Variants in ADPRS observed in about 807,000 individuals in gnomAD.
ADPRS encodes the protein ADP-ribosylserine hydrolase.
A neutral mutation model predicts 32.1 loss-of-function variants in ADPRS; 25 were observed. The observed-to-expected ratio is 0.78, with a 90% confidence interval of 0.57 to 1.09. The LOEUF (loss-of-function observed/expected upper bound fraction) is 1.09. Ranked by LOEUF, ADPRS falls within the 50% of genes least tolerant of loss-of-function variation. ADPRS has a pLI of 0.00. For missense variants in ADPRS, 482 were observed against 480.6 expected (o/e 1.00, Z -0.03); for synonymous variants, 225 against 201.0 (o/e 1.12, Z -1.01).
At position 36,093,684 on chromosome 1, in the gene ADPRS, C is replaced by T. The variant is rs1643518124; in HGVS notation, c.*298C>T. On this transcript the variant is annotated 3_prime_UTR_variant, in exon 6 of 6. Transcript: ENST00000373178. ...TTTGGAGGGGTACTTGTGGCATTTT[C>T]CTGTATTGTCTTGGACATGGGATGT... 1 of 380,488 alleles carries T rather than the reference C, an allele frequency of 2.6e-6. No individual in the cohort carries two copies. The highest frequency in any genetic ancestry group is 4.9e-6 in the Non-Finnish European group (1 of 206,102). 23.6% of individuals were successfully genotyped at this position (380,488 alleles called of 1,614,324 possible). A position where few individuals can be genotyped will look rare whatever the true frequency, so the allele number is the denominator to read the frequency against.
rs767939474 is a variant in ADPRS at position 36,090,679 on chromosome 1, C to CGAAA, written c.212-565_212-564insGAAA. 3.8e-4 allele frequency among the ~76,000 whole-genome samples: 25 copies of CGAAA among 65,358 alleles called. 3 individuals are homozygous for CGAAA. Among genetic ancestry groups the CGAAA allele is most frequent in the Middle Eastern group, 0.021 (1 of 48 alleles). 42.9% of individuals were successfully genotyped at this position (65,358 alleles called of 152,430 possible). A position where few individuals can be genotyped will look rare whatever the true frequency, so the allele number is the denominator to read the frequency against. ...GCAACAGGATGAAACTCCATCTCTA[C>CGAAA]AAAAAAAAAAAAAAAAAAAAAAAAA... On this transcript the variant is annotated intron_variant, in intron 1 of 5. Transcript: ENST00000373178.
In ADPRS at chr1:36,089,097, C is replaced by T. The variant is rs1643441793; in HGVS notation, c.193C>T (p.Pro65Ser). The T allele has an allele frequency of 2.4e-5, 34 of 1,425,880 alleles. No individual in the cohort carries two copies. The highest frequency in any genetic ancestry group is 2.8e-5 in the Non-Finnish European group (31 of 1,091,778). The allele number at this position is 1,425,880 out of a possible 1,614,324, so 88.3% of individuals were successfully genotyped here. ...VQSLEPDPGT[P>S]GSERTEALYY... is the part of the protein sequence containing the mutation. ...GAGTCTGGAGCCGGACCCCGGCACG[C>T]CCGGGAGTGAGCGGACAGGTGGGCG... The change falls in exon 1 of 6, where the codon CCC becomes TCC. Residue 65 changes from proline (P) to serine (S), a missense_variant. Physicochemically the swap from Pro to Ser is moderately conservative, Grantham distance 74. Coordinates refer to ENST00000373178, the MANE Select transcript of ADPRS (RefSeq NM_017825.3).
chr1:36,092,357 C>G, intron 4 of ADPRS, 65 bp from the exon 5 acceptor site: 1 of 1,502,302 alleles, frequency 6.7e-7, no homozygotes, highest in Non-Finnish European at 9.2e-7. Flanking sequence ...ACATGCAGCC[C>G]TCTCCCCTGC....
chr1:36,088,904 G>T lies in ADPRS; in HGVS notation c.-1G>T, dbSNP rs1236888084. The T allele has an allele frequency of 6.6e-7, 1 of 1,526,498 alleles. No individual in the cohort carries two copies. Among genetic ancestry groups the T allele is most frequent in the South Asian group, 1.2e-5 (1 of 83,660 alleles). The allele number at this position is 1,526,498 out of a possible 1,614,324, so 94.6% of individuals were successfully genotyped here. The stretch of plus-strand genomic sequence containing the variant: ...GGAAGTGGCGAGCAGTCTGCGCGCG[G>T]ATGGCCGCAGCGGCGATGGCGGCAG... On this transcript the variant is annotated 5_prime_UTR_variant, in exon 1 of 6. Coordinates refer to ENST00000373178, the MANE Select transcript of ADPRS (RefSeq NM_017825.3).
chr1:36,092,162 C>T lies in ADPRS; in HGVS notation c.701+68C>T, dbSNP rs757385182. The T allele has an allele frequency of 1.9e-3, 2,889 of 1,527,860 alleles. 5 individuals are homozygous for T. The highest frequency in any genetic ancestry group is 2.3e-3 in the Non-Finnish European group (2,652 of 1,134,784). 94.6% of individuals were successfully genotyped at this position (1,527,860 alleles called of 1,614,324 possible). On this transcript the variant is annotated intron_variant, in intron 4 of 5. Transcript: ENST00000373178. ...ATCCAGGGGGCCTCTGGCATTGCCG[C>T]AAACTGTAAACCTTCCTCAATTGCA... is the stretch of plus-strand genomic sequence containing the variant.
Position 36,093,345 on chromosome 1 carries a change from A to C in ADPRS, c.1051A>C (p.Ile351Leu), listed in dbSNP as rs754435618. ...CTGTGAAGGCTACGAGGAGACAGAC[A>C]TCCTGGCCCAAAGCCTGCACCGTGT... ...QSCEGYEETD[I>L]LAQSLHRVFQ... Residue 351 changes from isoleucine (I) to leucine (L), a missense_variant, in exon 6 of 6, where the codon ATC (isoleucine) becomes CTC (leucine). Ile to Leu is a conservative substitution (Grantham distance 5). Transcript: ENST00000373178. 6.2e-7 allele frequency: 1 copy of C among 1,614,222 alleles called. No homozygotes were observed. The highest frequency in any genetic ancestry group is 2.2e-5 in the East Asian group (1 of 44,888).
chr1:36,091,220 T>C (rs1445277752), intron 1 of ADPRS, 24 bp from the exon 2 acceptor site: 1 of 1,586,470 alleles, frequency 6.3e-7, no homozygotes, highest in Non-Finnish European at 8.7e-7. Flanking sequence ...CAGGAGGCTC[T>C]CATCCTCCCT....
At chr1:36,089,331 G>A (rs1026738936) in intron 1 of ADPRS, among the ~76,000 whole-genome samples, 1 of 152,254 alleles carries the variant, frequency 6.6e-6, no homozygotes, top group African/African-American at 2.4e-5. Flanking sequence ...TGCTCGGGGC[G>A]TGGCAGCACC....
intron 1 of ADPRS, among the ~76,000 whole-genome samples, chr1:36,089,580 A>G (rs1191494154): frequency 1.3e-5 from 2 of 152,080 alleles, no homozygotes; most frequent in Non-Finnish European, 2.9e-5. Context: ...CCGGTTCTCT[A>G]GAGTCAGTAT....
rs558472367 is a variant in ADPRS, at chr1:36,093,461, C to T, written c.*75C>T. On this transcript the variant is annotated 3_prime_UTR_variant, in exon 6 of 6. Coordinates refer to ENST00000373178, the MANE Select transcript of ADPRS (RefSeq NM_017825.3). The stretch of plus-strand genomic sequence containing the variant: ...AGCTCCAATCAGAAACCCTGCGCTT[C>T]CTTGAGTGTGGCTTCCCACTTTTCC... 12 of 1,533,140 alleles carry T rather than the reference C, an allele frequency of 7.8e-6. No homozygotes were observed. The East Asian group carries it at 2.7e-4, about 35-fold the overall frequency. The allele number at this position is 1,533,140 out of a possible 1,614,324, so 95.0% of individuals were successfully genotyped here.
chr1:36,092,227 CTA>C (rs891964703), intron 4 of ADPRS, 133 bp downstream of exon 4: 1 of 1,318,500 alleles, frequency 7.6e-7, no homozygotes, highest in Non-Finnish European at 1.0e-6. Context: ...TTTATCTTGT[CTA>C]TGTTTCAAGG....
intron 5 of ADPRS, 63 bp downstream of exon 5, chr1:36,092,585 AG>A: frequency 1.3e-6 from 2 of 1,507,444 alleles, no homozygotes; most frequent in South Asian, 1.1e-5. Context: ...TCTTGGGCTC[AG>A]GGGAGCATGG....
chr1:36,092,607 G>A lies in ADPRS; in HGVS notation c.802+85G>A, dbSNP rs531518051. 21 of 1,276,564 alleles carry A rather than the reference G, an allele frequency of 1.6e-5. No individual in the cohort carries two copies. In the African/African-American group the frequency reaches 2.9e-4, roughly 18 times the overall value. The allele number at this position is 1,276,564 out of a possible 1,614,324, so 79.1% of individuals were successfully genotyped here. On this transcript the variant is annotated intron_variant, in intron 5 of 5. Transcript: ENST00000373178. ...CTCAGGGGAGCATGGAGTCATGCCT[G>A]CCGTCGCATTGTACCCTGGGCTGCT...
chr1:36,093,849 A>G lies in ADPRS; in HGVS notation c.*463A>G, dbSNP rs1381567334. The G allele has an allele frequency of 6.1e-6, 1 of 162,848 alleles. No homozygotes were observed. Among genetic ancestry groups the G allele is most frequent in the Non-Finnish European group, 1.4e-5 (1 of 73,882 alleles). 10.1% of individuals were successfully genotyped at this position (162,848 alleles called of 1,614,324 possible). On this transcript the variant is annotated 3_prime_UTR_variant, in exon 6 of 6. Transcript: ENST00000373178. ...ACAGGCACTTGCATCCAGCTGATCT[A>G]GGTCACACCTGGCTCTTGGCTGCCA...
At position 36,088,896 on chromosome 1, in the gene ADPRS, T is replaced by G; in HGVS notation, c.-9T>G. On this transcript the variant is annotated 5_prime_UTR_variant, in exon 1 of 6. Transcript: ENST00000373178. The stretch of plus-strand genomic sequence containing the variant: ...GCGGCACCGGAAGTGGCGAGCAGTC[T>G]GCGCGCGGATGGCCGCAGCGGCGAT... The G allele has an allele frequency of 1.7e-5, 26 of 1,525,420 alleles. No homozygotes were observed. Among genetic ancestry groups the G allele is most frequent in the Non-Finnish European group, 2.3e-5 (26 of 1,142,092 alleles). 94.5% of individuals were successfully genotyped at this position (1,525,420 alleles called of 1,614,324 possible).
intron 5 of ADPRS, 69 bp downstream of exon 5, chr1:36,092,591 G>A: frequency 6.9e-7 from 1 of 1,459,338 alleles, no homozygotes. Flanking sequence ...GCTCAGGGGA[G>A]CATGGAGTCA....
rs750603133 is a variant in ADPRS at position 36,093,107 on chromosome 1, T to C, written c.813T>C (p.Ile271=). 7.4e-6 allele frequency: 12 copies of C among 1,613,632 alleles called. No individual in the cohort carries two copies. The highest frequency in any genetic ancestry group is 8.5e-6 in the Non-Finnish European group (10 of 1,179,620). The change falls in exon 6 of 6, where the codon ATT becomes ATC. Residue 271 remains isoleucine (I), a synonymous_variant. Transcript: ENST00000373178. The part of the protein sequence containing the change: ...EEVVSELGNG[I]AAFESVPTAI... ...CTGGCTTCCCCACAGGGAATGGCAT[T>C]GCTGCCTTTGAGTCGGTACCCACCG...
chr1:36,090,876 A>AT (rs1373113190), intron 1 of ADPRS, among the ~76,000 whole-genome samples: 1 of 151,974 alleles, frequency 6.6e-6, no homozygotes, highest in Non-Finnish European at 1.5e-5. Flanking sequence ...AAACTAAAAT[A>AT]AAAGGTGAGC....
chr1:36,089,267 A>T, intron 1 of ADPRS, 152 bp downstream of exon 1: 1 of 889,492 alleles, frequency 1.1e-6, no homozygotes, highest in Non-Finnish European at 1.6e-6. Flanking sequence ...GCTTGAGCTC[A>T]GCGAGTGCCA....
Sources: allele counts gnomAD v4.1 joint callset (sites outside exome capture counted in the v4.1 genomes callset), GRCh38; gene constraint gnomAD v4.1.1; transcripts MANE v1.5; gene names NCBI Gene and HGNC (gene_info 2026-07-23, HGNC 2026-07-21).